The following PNPLA7 variants were observed in gnomAD, a reference collection of about 807,000 sequenced individuals.
PNPLA7 encodes patatin like domain 7, lysophospholipase.
Under a neutral mutation model 161.7 loss-of-function variants are expected in PNPLA7, and 153 were observed. The observed-to-expected ratio is 0.95, with a 90% confidence interval of 0.83 to 1.08. The LOEUF (loss-of-function observed/expected upper bound fraction) is 1.08, where lower values mean the gene tolerates loss of function less well. Ranked by LOEUF, PNPLA7 falls within the 50% of genes least tolerant of loss-of-function variation. PNPLA7 has a pLI of 0.00. For missense variants in PNPLA7, 1,739 were observed against 1,856.6 expected (o/e 0.94, Z 1.16); for synonymous variants, 809 against 782.1 (o/e 1.03, Z -0.57).
In PNPLA7 at chr9:137,540,831, G is replaced by C; in HGVS notation, c.667-109C>G. On this transcript the variant is annotated intron_variant, in intron 7 of 34. Coordinates refer to ENST00000406427, the MANE Select transcript of PNPLA7 (RefSeq NM_001098537.3). The surrounding 1 kb of genome is among the most constrained non-coding windows in gnomAD (Gnocchi z 5.1). ...AGTGGGGCCACGGGCCTGCACCTCT[G>C]AGGCGCCATGAGAGCAGCAGGCACC... 1.1e-6 allele frequency: 1 copy of C among 909,838 alleles called. No homozygotes were observed. The highest frequency in any genetic ancestry group is 1.7e-6 in the Non-Finnish European group (1 of 579,722). 56.4% of individuals were successfully genotyped at this position (909,838 alleles called of 1,614,324 possible).
intron 11 of PNPLA7, among the ~76,000 whole-genome samples, chr9:137,516,112 C>T (rs539842707): frequency 4.2e-4 from 18 of 42,664 alleles, no homozygotes; most frequent in African/African-American, 1.8e-3. Flanking sequence ...GCCCCACCCC[C>T]ATCCCTAACC....
At chr9:137,480,682 G>T in intron 22 of PNPLA7, 1 of 743,686 alleles carries the variant, frequency 1.3e-6, no homozygotes, top group Middle Eastern at 3.9e-4. Flanking sequence ...AAGCCCAGAG[G>T]CTGAGGCTCG....
chr9:137,474,143 G>A (rs1248031450), intron 25 of PNPLA7, among the ~76,000 whole-genome samples: 1 of 152,192 alleles, frequency 6.6e-6, no homozygotes, highest in Non-Finnish European at 1.5e-5. Flanking sequence ...GGAGGCTGAG[G>A]TAGGAGAATC....
At chr9:137,462,148 G>A (rs369614791) in intron 31 of PNPLA7, 31 bp downstream of exon 31, 6 of 1,544,808 alleles carry the variant, frequency 3.9e-6, no homozygotes, top group African/African-American at 1.4e-5. Context: ...GCCTCCGCCC[G>A]CCTCCGCCGC....
intron 1 of PNPLA7, among the ~76,000 whole-genome samples, chr9:137,549,600 G>C (rs1398411700): frequency 7.0e-6 from 1 of 142,912 alleles, no homozygotes; most frequent in Non-Finnish European, 1.5e-5. Context: ...TTCAAGACCA[G>C]CCTGGCCAAC....
rs757315780 is a variant in PNPLA7, at chr9:137,540,630, C to T, written c.747+12G>A. The T allele has an allele frequency of 6.2e-6, 10 of 1,605,256 alleles. No homozygotes were observed. The highest frequency in any genetic ancestry group is 1.7e-5 in the Admixed American group (1 of 59,338). On this transcript the variant is annotated intron_variant, in intron 8 of 34. Coordinates refer to ENST00000406427, the MANE Select transcript of PNPLA7 (RefSeq NM_001098537.3). This position sits in a 1 kb window ranked among gnomAD's most constrained non-coding sequence, Gnocchi z 5.1. ...CAGGGGCGCCCGGAGGGCCAGGCAG[C>T]GGGGGACTCACGGTGATGATGTCCA...
rs538669576 is a variant in PNPLA7 at position 137,501,268 on chromosome 9, C to T, written c.1552-372G>A. Among the ~76,000 whole-genome samples the T allele has an allele frequency of 3.4e-4, 52 of 152,320 alleles. No homozygotes were observed. In the South Asian group the frequency reaches 0.011, roughly 32 times the overall value. The stretch of plus-strand genomic sequence containing the variant: ...TGGCCTCTGAGGGGTGGGCTCCTGG[C>T]CCCTCCCACACTGAGCCCCCGGCAC... On this transcript the variant is annotated intron_variant, in intron 15 of 34. Coordinates refer to ENST00000406427, the MANE Select transcript of PNPLA7 (RefSeq NM_001098537.3).
intron 12 of PNPLA7, among the ~76,000 whole-genome samples, chr9:137,511,846 A>G (rs1193861748): frequency 3.9e-5 from 6 of 152,200 alleles, no homozygotes; most frequent in Non-Finnish European, 7.3e-5. Flanking sequence ...AAGTGCATAG[A>G]AGAAATGCTA....
At chr9:137,522,261 A>C (rs1012922801) in intron 9 of PNPLA7, among the ~76,000 whole-genome samples, 5 of 151,216 alleles carry the variant, frequency 3.3e-5, no homozygotes, top group African/African-American at 1.2e-4. Context: ...TTTTTAGCAG[A>C]GACGGGGTTT....
intron 11 of PNPLA7, among the ~76,000 whole-genome samples, chr9:137,518,957 C>A (rs1175146201): frequency 3.7e-5 from 5 of 135,700 alleles, no homozygotes; most frequent in Non-Finnish European, 4.8e-5. Context: ...CATCCTCACT[C>A]ACTCACTCCA....
At chr9:137,544,792 G>GCTACAAA (rs1489521367) in intron 4 of PNPLA7, among the ~76,000 whole-genome samples, 1 of 152,004 alleles carries the variant, frequency 6.6e-6, no homozygotes, top group Non-Finnish European at 1.5e-5. Flanking sequence ...TGGGATTACA[G>GCTACAAA]GCGCCCGCCA....
chr9:137,526,561 G>A (rs1835313685), intron 8 of PNPLA7, among the ~76,000 whole-genome samples: 1 of 152,200 alleles, frequency 6.6e-6, no homozygotes, highest in African/African-American at 2.4e-5. Context: ...ACAGGCGTGA[G>A]CCACCGCGCC....
At chr9:137,495,735 G>A (rs903259788) in intron 18 of PNPLA7, among the ~76,000 whole-genome samples, 13 of 151,974 alleles carry the variant, frequency 8.6e-5, no homozygotes, top group Non-Finnish European at 1.5e-4. Context: ...GAGCCGCCGC[G>A]CCCGGCCTGG....
chr9:137,480,914 G>T, intron 22 of PNPLA7, 46 bp downstream of exon 22: 1 of 1,539,056 alleles, frequency 6.5e-7, no homozygotes, highest in South Asian at 1.2e-5. Context: ...TCTCAGGGCT[G>T]CGTTGGGCCG....
At chr9:137,501,223 A>C (rs111395271) in intron 15 of PNPLA7, among the ~76,000 whole-genome samples, 3 of 152,072 alleles carry the variant, frequency 2.0e-5, no homozygotes, top group African/African-American at 7.2e-5. Flanking sequence ...GGGGGGTCCC[A>C]TGCCGCCTCG....
intron 8 of PNPLA7, among the ~76,000 whole-genome samples, chr9:137,530,544 C>T (rs546683898): frequency 6.6e-6 from 1 of 152,282 alleles, no homozygotes; most frequent in African/African-American, 2.4e-5. Context: ...TCGTGGGTGG[C>T]GGCTCCACGA....
Position 137,462,000 on chromosome 9 carries a change from C to T in PNPLA7, c.3687G>A (p.Trp1229Ter). 2 of 1,603,858 alleles carry T rather than the reference C, an allele frequency of 1.2e-6. No homozygotes were observed. The part of the protein sequence containing the change: ...YQHGRTVFDI[W>*]GRSGVLEKML... ...TCTTCTCCAGCACGCCGCTGCGGCC[C>T]CAGATGTCAAACACCGTGCGCCCGT... Residue 1229 changes from tryptophan to a stop codon, truncating the protein, a stop_gained, in exon 32 of 35, where the codon TGG becomes TGA. Coordinates refer to ENST00000406427, the MANE Select transcript of PNPLA7 (RefSeq NM_001098537.3). LOFTEE classifies it high-confidence loss of function.
Position 137,524,065 on chromosome 9 carries a change from A to G in PNPLA7, c.748-1208T>C, listed in dbSNP as rs189769425. 1.1e-3 allele frequency among the ~76,000 whole-genome samples: 173 copies of G among 152,332 alleles called. 1 individual carries two copies. The highest frequency in any genetic ancestry group is 3.8e-3 in the African/African-American group (156 of 41,584). ...TTTTCACCCCCACCACAGAAACAGA[A>G]CAATCCCAACCTCCAATGCCCCTGG... On this transcript the variant is annotated intron_variant, in intron 8 of 34. Transcript: ENST00000406427. This position sits in a 1 kb window ranked among gnomAD's most constrained non-coding sequence, Gnocchi z 4.4.
At chr9:137,483,333 T>C (rs947225199) in intron 21 of PNPLA7, among the ~76,000 whole-genome samples, 1 of 152,236 alleles carries the variant, frequency 6.6e-6, no homozygotes, top group African/African-American at 2.4e-5. Flanking sequence ...CTGACTGATG[T>C]CACCGGAAAT....
Sources: gnomAD v4.1 joint callset for allele counts (sites outside exome capture counted in the v4.1 genomes callset) on GRCh38, gnomAD v4.1.1 for gene constraint, Gnocchi (gnomAD v3.1) non-coding constraint, MANE v1.5 for transcripts, NCBI Gene and HGNC (gene_info 2026-07-23, HGNC 2026-07-21) for gene names.